The following DIAPH2 variants were observed in gnomAD, a reference collection of about 807,000 sequenced individuals.
DIAPH2 encodes the protein diaphanous related formin 2.
DIAPH2 carries 35 observed loss-of-function variants against 92.7 expected under a neutral mutation model. The observed-to-expected ratio is 0.38, with a 90% CI of 0.29 to 0.50. The LOEUF is 0.50. Ranked by LOEUF, DIAPH2 falls within the 20% of genes least tolerant of loss-of-function variation. The pLI is 0.94. For synonymous variants in DIAPH2, 301 were observed against 280.4 expected, an observed-to-expected ratio of 1.07 and a Z score of -0.73; for missense variants, 701 against 819.5, an observed-to-expected ratio of 0.86 and a Z score of 1.77.
intron 1 of DIAPH2, among the ~76,000 whole-genome samples, chrX:96,710,856 C>G (rs189549740): frequency 2.7e-5 from 3 of 111,134 alleles, no homozygotes; most frequent in Admixed American, 1.9e-4. Context: ...CTCACCCTCC[C>G]TCCTGAAAAT....
chrX:97,508,948 C>A (rs2070857374), intron 26 of DIAPH2, among the ~76,000 whole-genome samples: 2 of 107,272 alleles, frequency 1.9e-5, no homozygotes, highest in Non-Finnish European at 3.9e-5. Context: ...CCCTTAACAA[C>A]AACAATAACA....
intron 19 of DIAPH2, among the ~76,000 whole-genome samples, chrX:97,083,813 T>C (rs1271524787): frequency 1.8e-5 from 2 of 112,217 alleles, no homozygotes; most frequent in African/African-American, 6.5e-5. Flanking sequence ...TTAATTAGTA[T>C]AGGTCCAAAC....
intron 17 of DIAPH2, among the ~76,000 whole-genome samples, chrX:97,056,021 AAG>A (rs1279392979): frequency 9.0e-6 from 1 of 111,621 alleles, no homozygotes; most frequent in Non-Finnish European, 1.9e-5. Flanking sequence ...TTTCTCAACT[AAG>A]AGAATAGTGC....
chrX:96,945,468 G>A (rs960354767), intron 13 of DIAPH2, 59 bp from the exon 14 acceptor site: 38 of 864,456 alleles, frequency 4.4e-5, no homozygotes, highest in African/African-American at 6.3e-5. Flanking sequence ...GCTAGAAGAC[G>A]TCTTTTGTCT....
At chrX:97,368,639 G>A (rs987089986) in intron 24 of DIAPH2, among the ~76,000 whole-genome samples, 1 of 110,989 alleles carries the variant, frequency 9.0e-6, no homozygotes, top group Admixed American at 9.7e-5. Context: ...CCTTTGAGTC[G>A]TTCATCCCAT....
intron 23 of DIAPH2, among the ~76,000 whole-genome samples, chrX:97,300,723 G>T (rs1477742377): frequency 3.2e-5 from 3 of 93,681 alleles, no homozygotes; most frequent in Non-Finnish European, 6.4e-5. Context: ...ACAAGGTCAG[G>T]AGATTGAGAC....
chrX:97,593,404 G>A (rs1226990578), intron 26 of DIAPH2, among the ~76,000 whole-genome samples: 1 of 109,508 alleles, frequency 9.1e-6, no homozygotes, highest in Non-Finnish European at 1.9e-5. Context: ...AGAAAAAAAA[G>A]AAACAAACTG....
chrX:96,961,314 A>G (rs190868859), intron 16 of DIAPH2, among the ~76,000 whole-genome samples: 122 of 108,596 alleles, frequency 1.1e-3, no homozygotes, highest in Middle Eastern at 9.5e-3. Flanking sequence ...ATAGTTGTCC[A>G]TAGTAGTCTC....
intron 4 of DIAPH2, among the ~76,000 whole-genome samples, chrX:96,823,342 A>G (rs895566538): frequency 9.0e-6 from 1 of 111,697 alleles, no homozygotes; most frequent in African/African-American, 3.2e-5. Flanking sequence ...ATGCCCAATA[A>G]TAAAGGAATT....
At chrX:97,250,137 C>G (rs1453988611) in intron 23 of DIAPH2, among the ~76,000 whole-genome samples, 1 of 111,536 alleles carries the variant, frequency 9.0e-6, no homozygotes, top group East Asian at 2.8e-4. Context: ...GACCATGATT[C>G]CATTTCTAGT....
intron 17 of DIAPH2, among the ~76,000 whole-genome samples, chrX:97,033,219 T>C (rs886656334): frequency 1.8e-5 from 2 of 112,318 alleles, no homozygotes; most frequent in African/African-American, 6.5e-5. Flanking sequence ...CCATTCCGTG[T>C]CAAGAAATGA....
intron 26 of DIAPH2, among the ~76,000 whole-genome samples, chrX:97,520,003 G>A (rs1297058728): frequency 6.3e-5 from 7 of 111,755 alleles, no homozygotes; most frequent in Non-Finnish European, 1.3e-4. Flanking sequence ...GAGCCACAGC[G>A]TCTGGCCCCT....
At position 96,836,708 on chromosome X, in the gene DIAPH2, TA is replaced by T. The variant is rs1569409208; in HGVS notation, c.448-44870del. ...AGGTATATATATATATATATATATA[TA>T]TATATATATTTTTTTTTTTTTTTTT... On this transcript the variant is annotated intron_variant, in intron 4 of 26. Transcript: ENST00000324765. Among the ~76,000 whole-genome samples the T allele has an allele frequency of 2.0e-3, 53 of 25,900 alleles. 1 individual carries two copies. Among genetic ancestry groups the T allele is most frequent in the African/African-American group, 2.8e-3 (16 of 5,664 alleles). The allele number at this position is 25,900 out of a possible 115,157, so 22.5% of individuals were successfully genotyped here.
At chrX:97,048,598 C>T (rs1341947802) in intron 17 of DIAPH2, among the ~76,000 whole-genome samples, 2 of 111,016 alleles carry the variant, frequency 1.8e-5, no homozygotes, top group Non-Finnish European at 3.8e-5. Flanking sequence ...ATATCTTGCT[C>T]CTCATCAAAA....
At chrX:96,962,298 T>TACACATATATATAC (rs1198295445) in intron 16 of DIAPH2, among the ~76,000 whole-genome samples, 14 of 50,493 alleles carry the variant, frequency 2.8e-4, no homozygotes, top group Non-Finnish European at 3.9e-4. Flanking sequence ...TATATATATA[T>TACACATATATATAC]ACATATATAT....
chrX:97,035,063 A>G (rs756523130), intron 17 of DIAPH2, among the ~76,000 whole-genome samples: 1 of 112,073 alleles, frequency 8.9e-6, no homozygotes, highest in Non-Finnish European at 1.9e-5. Context: ...TAAGAAATAC[A>G]CAAGAGGAAG....
chrX:96,871,469 CAAAAAAAAAAAAA>C (rs34852539), intron 4 of DIAPH2, among the ~76,000 whole-genome samples: 8 of 28,822 alleles, frequency 2.8e-4, no homozygotes, highest in South Asian at 5.0e-3. Flanking sequence ...GACTCCGTCT[CAAAAAAAAAAAAA>C]AAAAAAAAAA....
chrX:97,034,070 A>G (rs1258253127), intron 17 of DIAPH2, among the ~76,000 whole-genome samples: 3 of 73,383 alleles, frequency 4.1e-5, no homozygotes, highest in Admixed American at 1.9e-4. Flanking sequence ...TGTAGAGCAG[A>G]CATTGTTAGT....
In DIAPH2 at chrX:96,916,572, C is replaced by T. The variant is rs767084873; in HGVS notation, c.867C>T (p.Asn289=). The T allele has an allele frequency of 1.7e-6, 2 of 1,196,510 alleles. No homozygotes were observed. The highest frequency in any genetic ancestry group is 2.3e-6 in the Non-Finnish European group (2 of 887,591). ...LSAICIVGEE[N]ILDKLLGAIT... is the part of the protein sequence containing the mutation. ...CTATTTGCATTGTTGGAGAAGAGAA[C>T]ATGTAAGTATTGCTATATTATTATA... Residue 289 remains asparagine (N), a splice_region_variant and synonymous_variant, in exon 8 of 27, where the codon AAC becomes AAT. Coordinates refer to ENST00000324765, the MANE Select transcript of DIAPH2 (RefSeq NM_006729.5).
Sources: allele counts gnomAD v4.1 joint callset (sites outside exome capture counted in the v4.1 genomes callset), GRCh38; gene constraint gnomAD v4.1.1; transcripts MANE v1.5; gene names NCBI Gene and HGNC (gene_info 2026-07-23, HGNC 2026-07-21).